GCA: variants seen among roughly 807,000 people sequenced by gnomAD.
The protein encoded by GCA is grancalcin, EF-hand calcium-binding protein.
GCA carries 30 observed loss-of-function variants against 32.6 expected under a neutral mutation model. That is an observed-to-expected ratio of 0.92 (90% CI 0.69 to 1.25). The LOEUF (loss-of-function observed/expected upper bound fraction) is 1.25. Ranked by LOEUF, GCA falls within the 50% of genes most tolerant of loss-of-function variation. GCA has a pLI of 0.00. For synonymous variants in GCA, 102 were observed against 84.6 expected, an observed-to-expected ratio of 1.21 and a Z score of -1.13; for missense variants, 291 against 266.8, an observed-to-expected ratio of 1.09 and a Z score of -0.63.
At chr2:162,373,544 TG>T (rs1244962294), downstream of GCA, 1 of 1,591,494 alleles carries the variant, frequency 6.3e-7, no homozygotes, top group Non-Finnish European at 8.6e-7. Context: ...AGCTGGATGA[TG>T]GGTCTCTGAT....
At chr2:162,370,946 T>A (rs187149455) in intron 4 of GCA, among the ~76,000 whole-genome samples, 1 of 152,114 alleles carries the variant, frequency 6.6e-6, no homozygotes, top group African/African-American at 2.4e-5. Context: ...AAACATTTTT[T>A]GTAGAGGTGG....
rs1483762509 is a variant in GCA at position 162,360,550 on chromosome 2, G to A, written c.*307G>A. On this transcript the variant is annotated 3_prime_UTR_variant, in exon 8 of 8. Coordinates refer to ENST00000437150, the MANE Select transcript of GCA (RefSeq NM_012198.5). ...TTAGATAATGTAAATTTAGAGGAATGTACTTTACAAGATAGATTGTATAAG... is the reference window on the plus strand; with the variant it reads ...TTAGATAATGTAAATTTAGAGGAATATACTTTACAAGATAGATTGTATAAG... 1.5e-5 allele frequency: 16 copies of A among 1,066,718 alleles called. No homozygotes were observed. The highest frequency in any genetic ancestry group is 1.2e-6 in the Non-Finnish European group (1 of 828,348). 66.1% of individuals were successfully genotyped at this position (1,066,718 alleles called of 1,614,324 possible).
intron 5 of GCA, among the ~76,000 whole-genome samples, chr2:162,358,313 G>A (rs779817644): frequency 1.3e-5 from 2 of 151,360 alleles, no homozygotes; most frequent in Non-Finnish European, 3.0e-5. Context: ...TAGATTTTAT[G>A]TATTTTTTAA....
intron 1 of GCA, among the ~76,000 whole-genome samples, chr2:162,324,394 G>C (rs1300869288): frequency 6.6e-6 from 1 of 152,172 alleles, no homozygotes; most frequent in Non-Finnish European, 1.5e-5. Context: ...CCACTCAGCG[G>C]CCTGGGCTCC....
At chr2:162,344,652 T>C in intron 1 of GCA, 2 of 309,900 alleles carry the variant, frequency 6.5e-6, no homozygotes, top group South Asian at 1.0e-4. Flanking sequence ...TTTTTGAATT[T>C]CCTGACCACT....
intron 1 of GCA, among the ~76,000 whole-genome samples, chr2:162,345,131 G>GTGGTT (rs1684628468): frequency 1.4e-5 from 2 of 144,140 alleles, no homozygotes; most frequent in Admixed American, 7.7e-5. Flanking sequence ...TGGTGGTGGT[G>GTGGTT]GTGGTTGTGG....
At chr2:162,352,468 T>G in intron 3 of GCA, 61 bp downstream of exon 3, 1 of 1,017,430 alleles carries the variant, frequency 9.8e-7, no homozygotes, top group East Asian at 2.4e-5. Flanking sequence ...CTTACTTTTT[T>G]TGTCCCTGTA....
At chr2:162,371,003 A>G (rs1337282821) in intron 4 of GCA, among the ~76,000 whole-genome samples, 1 of 152,068 alleles carries the variant, frequency 6.6e-6, no homozygotes, top group African/African-American at 2.4e-5. Flanking sequence ...GGATTGCTTT[A>G]AAATGTGAAT....
intron 1 of GCA, among the ~76,000 whole-genome samples, chr2:162,320,373 C>G (rs1683619601): frequency 6.6e-6 from 1 of 152,134 alleles, no homozygotes; most frequent in Non-Finnish European, 1.5e-5. Context: ...AAGGCTGTTG[C>G]AAAAACATAC....
upstream of GCA, among the ~76,000 whole-genome samples, chr2:162,341,220 A>G (rs958948437): frequency 4.0e-5 from 6 of 148,264 alleles, no homozygotes; most frequent in Admixed American, 6.7e-5. Context: ...GATATAAAAT[A>G]AACTCCATTA....
Position 162,347,623 on chromosome 2 carries a change from C to T in GCA, c.73C>T (p.Pro25Ser). 6.2e-7 allele frequency: 1 copy of T among 1,609,288 alleles called. No homozygotes were observed. Among genetic ancestry groups the T allele is most frequent in the Admixed American group, 1.7e-5 (1 of 59,786 alleles). Residue 25 changes from proline to serine, a missense_variant, in exon 2 of 8, where the codon CCA becomes TCA. Physicochemically the swap from Pro to Ser is moderately conservative, Grantham distance 74. Coordinates refer to ENST00000437150, the MANE Select transcript of GCA (RefSeq NM_012198.5). The stretch of plus-strand genomic sequence containing the variant: ...GGTGCCAGGAATGCAGATGGGACAG[C>T]CAGTGCCAGAAACAGGCCCAGCTAT... ...IQVPGMQMGQ[P>S]VPETGPAILL...
At chr2:162,358,959 G>A (rs1685419764) in intron 5 of GCA, 85 bp from the exon 6 acceptor site, 1 of 623,290 alleles carries the variant, frequency 1.6e-6, no homozygotes. Context: ...AATTTTGAAA[G>A]TTATTTTATG....
chr2:162,374,788 T>C (rs1399777852), downstream of GCA, among the ~76,000 whole-genome samples: 1 of 152,146 alleles, frequency 6.6e-6, no homozygotes, highest in Non-Finnish European at 1.5e-5. Context: ...ATTCTTGCAG[T>C]TTTTCTATAG....
At position 162,361,534 on chromosome 2, in the gene GCA, A is replaced by G. The variant is rs1047144920; in HGVS notation, c.*1291A>G. 3 of 980,534 alleles carry G rather than the reference A, an allele frequency of 3.1e-6. No individual in the cohort carries two copies. Among genetic ancestry groups the G allele is most frequent in the Admixed American group, 1.2e-4 (2 of 16,118 alleles). The allele number at this position is 980,534 out of a possible 1,614,324, so 60.7% of individuals were successfully genotyped here. On this transcript the variant is annotated 3_prime_UTR_variant, in exon 8 of 8. Coordinates refer to ENST00000437150, the MANE Select transcript of GCA (RefSeq NM_012198.5). ...ATGTTTCTTAATGGATGGAGGATAGATGGCAATATCTTGAACAAAATCTTT... is the reference window on the plus strand; with the variant it reads ...ATGTTTCTTAATGGATGGAGGATAGGTGGCAATATCTTGAACAAAATCTTT...
At chr2:162,352,074 CA>C (rs1490655082) in intron 2 of GCA, among the ~76,000 whole-genome samples, 1 of 152,134 alleles carries the variant, frequency 6.6e-6, no homozygotes, top group Non-Finnish European at 1.5e-5. Context: ...AATAGAAGTA[CA>C]ATGACTCTTA....
downstream of GCA, among the ~76,000 whole-genome samples, chr2:162,365,641 T>G (rs76011807): frequency 2.4e-4 from 37 of 151,798 alleles, no homozygotes; most frequent in Middle Eastern, 3.4e-3. Flanking sequence ...CACACATTCT[T>G]TTTTGAAATG....
Position 162,356,377 on chromosome 2 carries a change from C to A in GCA, c.263-61C>A. On this transcript the variant is annotated intron_variant, in intron 3 of 7. Transcript: ENST00000437150. The stretch of plus-strand genomic sequence containing the variant: ...GTTTTATTTTGAAACTGGAGATTGT[C>A]ATAATTTTACATAGATAAAGTTGGG... 3 of 913,202 alleles carry A rather than the reference C, an allele frequency of 3.3e-6. No individual in the cohort carries two copies. In the South Asian group the frequency reaches 4.3e-5, roughly 13 times the overall value. The allele number at this position is 913,202 out of a possible 1,614,324, so 56.6% of individuals were successfully genotyped here.
chr2:162,375,193 C>G (rs1339595783), downstream of GCA, among the ~76,000 whole-genome samples: 2 of 152,168 alleles, frequency 1.3e-5, no homozygotes, highest in African/African-American at 2.4e-5. Context: ...CCATTACTAA[C>G]AGCATTCAGT....
downstream of GCA, among the ~76,000 whole-genome samples, chr2:162,364,035 G>A (rs905609415): frequency 2.6e-5 from 4 of 151,420 alleles, no homozygotes; most frequent in African/African-American, 4.8e-5. Context: ...AAAGCTTACC[G>A]GGAGTGAGAA....
Sources: gnomAD v4.1 joint callset for allele counts (sites outside exome capture counted in the v4.1 genomes callset) on GRCh38, gnomAD v4.1.1 for gene constraint, MANE v1.5 for transcripts, NCBI Gene and HGNC (gene_info 2026-07-23, HGNC 2026-07-21) for gene names.